The following SLC7A11 variants were observed in gnomAD, a reference collection of about 807,000 sequenced individuals.
SLC7A11 encodes cystine/glutamate transporter.
SLC7A11 carries 35 observed loss-of-function variants against 54.5 expected under a neutral mutation model. The observed-to-expected ratio is 0.64, with a 90% CI of 0.49 to 0.85. The LOEUF (loss-of-function observed/expected upper bound fraction) is 0.85, where lower values mean the gene tolerates loss of function less well. Among genes scored for constraint, SLC7A11 ranks in the 40% least tolerant of loss-of-function variants. SLC7A11 has a pLI of 0.00. For missense variants in SLC7A11, 583 were observed against 618.1 expected (o/e 0.94, Z 0.60); for synonymous variants, 230 against 225.2 (o/e 1.02, Z -0.19).
At chr4:138,178,746 T>C (rs144910262) in intron 11 of SLC7A11, among the ~76,000 whole-genome samples, 25 of 152,286 alleles carry the variant, frequency 1.6e-4, no homozygotes, top group Non-Finnish European at 3.1e-4. Context: ...TTCTTGTTAT[T>C]ATAATCCTTC....
intron 6 of SLC7A11, among the ~76,000 whole-genome samples, chr4:138,204,327 T>C (rs757125798): frequency 3.3e-5 from 5 of 152,064 alleles, no homozygotes; most frequent in Non-Finnish European, 5.9e-5. Context: ...TACATCATGT[T>C]ATTAAAAGTA....
chr4:138,239,407 A>G (rs1337316194), intron 1 of SLC7A11, among the ~76,000 whole-genome samples: 1 of 152,190 alleles, frequency 6.6e-6, no homozygotes, highest in Non-Finnish European at 1.5e-5. Flanking sequence ...AAGTATATAT[A>G]TGTATTAAAC....
Position 138,241,912 on chromosome 4 carries a change from A to T in SLC7A11, c.158T>A (p.Ile53Asn). The change falls in exon 1 of 12, where the codon ATC becomes AAC. Residue 53 changes from isoleucine (I) to asparagine (N), a missense_variant. By Grantham distance (149) the Ile-to-Asn change is moderately radical (BLOSUM62 -3). Transcript: ENST00000280612. ...TCCTGCTCCAATGATGGTGCCAATG[A>T]TAATGGAGACTCCCCTCAGTAAAGT... is the stretch of plus-strand genomic sequence containing the variant. The part of the protein sequence containing the change: ...KVTLLRGVSI[I>N]IGTIIGAGIF... 1 of 1,614,006 alleles carries T rather than the reference A, an allele frequency of 6.2e-7. No homozygotes were observed. The highest frequency in any genetic ancestry group is 8.5e-7 in the Non-Finnish European group (1 of 1,179,934).
intron 3 of SLC7A11, among the ~76,000 whole-genome samples, chr4:138,224,215 T>G (rs999510963): frequency 1.2e-4 from 18 of 152,076 alleles, no homozygotes; most frequent in African/African-American, 4.3e-4. Context: ...ACAAGGGAAA[T>G]GGTGATGCTC....
chr4:138,200,339 C>CA (rs1737247232), intron 6 of SLC7A11, among the ~76,000 whole-genome samples: 1 of 152,118 alleles, frequency 6.6e-6, no homozygotes, highest in African/African-American at 2.4e-5. Context: ...ATCTTCTAAC[C>CA]AAATGACCTT....
In SLC7A11 at chr4:138,242,014, T is replaced by C. The variant is rs1275988862; in HGVS notation, c.56A>G (p.Asn19Ser). The change falls in exon 1 of 12, where the codon AAT becomes AGT. Residue 19 changes from asparagine (N) to serine (S), a missense_variant. Coordinates refer to ENST00000280612, the MANE Select transcript of SLC7A11 (RefSeq NM_014331.4). ...CAGGGAAGGCAGCCTCCCGTTAACA[T>C]TTCCCTGCAGGTAACCTCCTTTGGA... ...TISKGGYLQGNVNGRLPSLGN... is the reference protein window; with the variant it reads ...TISKGGYLQGSVNGRLPSLGN... 1 of 1,614,000 alleles carries C rather than the reference T, an allele frequency of 6.2e-7. No homozygotes were observed. Among genetic ancestry groups the C allele is most frequent in the Non-Finnish European group, 8.5e-7 (1 of 1,180,004 alleles).
intron 6 of SLC7A11, among the ~76,000 whole-genome samples, chr4:138,209,139 C>T (rs569041014): frequency 2.6e-5 from 4 of 152,064 alleles, no homozygotes; most frequent in South Asian, 4.1e-4. Context: ...TATTTTAATA[C>T]ACATTGGTAT....
At chr4:138,202,471 C>T (rs1033860687) in intron 6 of SLC7A11, among the ~76,000 whole-genome samples, 40 of 152,058 alleles carry the variant, frequency 2.6e-4, no homozygotes, top group African/African-American at 8.9e-4. Context: ...AACTTTGGTC[C>T]TGCCTAATCT....
At chr4:138,197,654 AT>A in intron 6 of SLC7A11, among the ~76,000 whole-genome samples, 1 of 152,112 alleles carries the variant, frequency 6.6e-6, no homozygotes, top group Non-Finnish European at 1.5e-5. Context: ...CACTATACAG[AT>A]TCTCTTCATC....
intron 1 of SLC7A11, among the ~76,000 whole-genome samples, chr4:138,236,915 G>A (rs1738221489): frequency 6.6e-6 from 1 of 151,534 alleles, no homozygotes; most frequent in South Asian, 2.1e-4. Flanking sequence ...ATGTTTCTGT[G>A]GAAAATCAAA....
chr4:138,192,861 T>A (rs1345291023), intron 6 of SLC7A11, among the ~76,000 whole-genome samples: 1 of 152,120 alleles, frequency 6.6e-6, no homozygotes, highest in African/African-American at 2.4e-5. Flanking sequence ...CTGCCACCCA[T>A]CCAACAAAGA....
At chr4:138,238,702 T>C (rs1055055458) in intron 1 of SLC7A11, among the ~76,000 whole-genome samples, 1 of 151,984 alleles carries the variant, frequency 6.6e-6, no homozygotes, top group Non-Finnish European at 1.5e-5. Flanking sequence ...TGAGCTCAAG[T>C]GATCCTTCCA....
chr4:138,237,715 ATATATATATATATATATATATATTT>A (rs1738250157), intron 1 of SLC7A11, among the ~76,000 whole-genome samples: 4 of 6,430 alleles, frequency 6.2e-4, no homozygotes, highest in Admixed American at 2.8e-3. Flanking sequence ...ATATATATAT[ATATATATATATATATATATATATTT>A]TTTTTTTTTT....
rs1736329940 is a variant in SLC7A11 at position 138,168,682 on chromosome 4, T to C, written c.*3274A>G. Reference sequence around the variant, plus strand: ...GAGAAACCGTCATGCATTGCTAACGTAACCTAATAAGCTGTCCAAATTTTG... The same window carrying C: ...GAGAAACCGTCATGCATTGCTAACGCAACCTAATAAGCTGTCCAAATTTTG... On this transcript the variant is annotated 3_prime_UTR_variant, in exon 12 of 12. Transcript: ENST00000280612. 1 of 152,184 alleles carries C rather than the reference T, an allele frequency of 6.6e-6. No homozygotes were observed. The highest frequency in any genetic ancestry group is 1.5e-5 in the Non-Finnish European group (1 of 68,028). The allele number at this position is 152,184 out of a possible 1,614,324, so 9.4% of individuals were successfully genotyped here.
At chr4:138,213,283 A>G (rs1737595653) in intron 6 of SLC7A11, among the ~76,000 whole-genome samples, 2 of 152,084 alleles carry the variant, frequency 1.3e-5, no homozygotes, top group Admixed American at 6.6e-5. Flanking sequence ...ATTGATTTGC[A>G]TAGCAGTTGA....
intron 6 of SLC7A11, among the ~76,000 whole-genome samples, chr4:138,213,932 A>AT (rs1378800299): frequency 6.6e-6 from 1 of 152,078 alleles, no homozygotes; most frequent in African/African-American, 2.4e-5. Flanking sequence ...CCCATGAATT[A>AT]TTTTTTCCTG....
At chr4:138,220,941 T>A (rs1737795490) in intron 4 of SLC7A11, among the ~76,000 whole-genome samples, 1 of 152,184 alleles carries the variant, frequency 6.6e-6, no homozygotes, top group Admixed American at 6.5e-5. Context: ...TCTCAAATGA[T>A]TCCCAAACAT....
In SLC7A11 at chr4:138,182,331, C is replaced by G; in HGVS notation, c.1082G>C (p.Arg361Pro). The change falls in exon 9 of 12, where the codon CGC becomes CCC. Residue 361 changes from arginine to proline, a missense_variant. Transcript: ENST00000280612. ...LPEILSMIHV[R>P]KHTPLPAVIV... Reference sequence around the variant, plus strand: ...AACAGCTGGTAGAGGAGTGTGCTTGCGGACATGAATCATGGAGAGGATTTC... The same window carrying G: ...AACAGCTGGTAGAGGAGTGTGCTTGGGGACATGAATCATGGAGAGGATTTC... 1.2e-6 allele frequency: 2 copies of G among 1,611,168 alleles called. No homozygotes were observed. The highest frequency in any genetic ancestry group is 1.7e-6 in the Non-Finnish European group (2 of 1,177,828).
Position 138,166,585 on chromosome 4 carries a change from C to T in SLC7A11, c.*5371G>A, listed in dbSNP as rs916078589. On this transcript the variant is annotated 3_prime_UTR_variant, in exon 12 of 12. Transcript: ENST00000280612. Reference sequence around the variant, plus strand: ...ATATGTTGAGGAAAAAAAGCATGTTCACTCTGGAACAAAGTTGGCCCTCTA... The same window carrying T: ...ATATGTTGAGGAAAAAAAGCATGTTTACTCTGGAACAAAGTTGGCCCTCTA... 2.0e-5 allele frequency: 3 copies of T among 152,550 alleles called. No individual in the cohort carries two copies. Among genetic ancestry groups the T allele is most frequent in the Non-Finnish European group, 4.4e-5 (3 of 68,022 alleles). 9.4% of individuals were successfully genotyped at this position (152,550 alleles called of 1,614,324 possible).
Sources: allele counts gnomAD v4.1 joint callset (sites outside exome capture counted in the v4.1 genomes callset), GRCh38; gene constraint gnomAD v4.1.1; transcripts MANE v1.5; gene names NCBI Gene and HGNC (gene_info 2026-07-23, HGNC 2026-07-21).